The following VSTM2B variants were observed in gnomAD, a reference collection of about 807,000 sequenced individuals.
The protein encoded by VSTM2B is V-set and transmembrane domain-containing protein 2B.
A neutral mutation model predicts 24.0 loss-of-function variants in VSTM2B; 24 were observed. The observed-to-expected ratio is 1.00, with a 90% CI of 0.72 to 1.40. The LOEUF is 1.40. VSTM2B is among the 40% of genes most tolerant of loss of function. The pLI, the probability that VSTM2B is intolerant of heterozygous loss-of-function variation, is 0.00. For synonymous variants in VSTM2B, 226 were observed against 194.4 expected (o/e 1.16, Z -1.35); for missense variants, 399 against 416.4 (o/e 0.96, Z 0.36).
intron 4 of VSTM2B, among the ~76,000 whole-genome samples, chr19:29,560,078 C>T (rs902589352): frequency 1.3e-5 from 2 of 152,158 alleles, no homozygotes; most frequent in Non-Finnish European, 2.9e-5. Context: ...CAGGCTTGTT[C>T]ATGTGACAGT....
At chr19:29,550,759 C>T (rs1012365020) in intron 4 of VSTM2B, among the ~76,000 whole-genome samples, 1 of 151,952 alleles carries the variant, frequency 6.6e-6, no homozygotes, top group Non-Finnish European at 1.5e-5. Context: ...CCAGACCAGC[C>T]TGTTGTCCAT....
chr19:29,537,853 C>G (rs1223976224), intron 4 of VSTM2B, among the ~76,000 whole-genome samples: 1 of 150,724 alleles, frequency 6.6e-6, no homozygotes, highest in Non-Finnish European at 1.5e-5. Flanking sequence ...CCCAGTTGAG[C>G]ACCCAATGCC....
chr19:29,551,203 G>C (rs891077884), intron 4 of VSTM2B, among the ~76,000 whole-genome samples: 3 of 152,338 alleles, frequency 2.0e-5, no homozygotes, highest in South Asian at 2.1e-4. Context: ...GCCGATGGAA[G>C]TCCCAGCCCA....
chr19:29,546,673 C>A (rs1433603788), intron 4 of VSTM2B, among the ~76,000 whole-genome samples: 1 of 150,602 alleles, frequency 6.6e-6, no homozygotes, highest in African/African-American at 2.5e-5. Context: ...CTGGGGAGCC[C>A]CCACCCCCAC....
chr19:29,538,526 G>A (rs927856292), intron 4 of VSTM2B, among the ~76,000 whole-genome samples: 1 of 152,186 alleles, frequency 6.6e-6, no homozygotes, highest in Non-Finnish European at 1.5e-5. Context: ...GAGCATGATG[G>A]AGCTAATTGT....
In VSTM2B at chr19:29,548,582, A is replaced by T. The variant is rs377608800; in HGVS notation, c.770-15264A>T. Among the ~76,000 whole-genome samples the T allele has an allele frequency of 5.5e-4, 84 of 152,328 alleles. 1 individual carries two copies. The highest frequency in any genetic ancestry group is 1.9e-3 in the African/African-American group (79 of 41,572). On this transcript the variant is annotated intron_variant, in intron 4 of 4. Coordinates refer to ENST00000335523, the MANE Select transcript of VSTM2B (RefSeq NM_001146339.2). The stretch of plus-strand genomic sequence containing the variant: ...CAACAAGGGAGGCAGCCTCCTTGCA[A>T]GGTGGCAGAGGTTCTCACCCTGCAG...
intron 4 of VSTM2B, among the ~76,000 whole-genome samples, chr19:29,533,882 G>A (rs1432442519): frequency 6.6e-6 from 1 of 152,244 alleles, no homozygotes; most frequent in Admixed American, 6.5e-5. Context: ...ACAGCAGCCT[G>A]AGCTGCAGAG....
chr19:29,558,209 A>C (rs1010920481), intron 4 of VSTM2B, among the ~76,000 whole-genome samples: 2 of 152,186 alleles, frequency 1.3e-5, no homozygotes, highest in African/African-American at 4.8e-5. Context: ...GTCAAGAAAC[A>C]ATAGATGCTG....
Position 29,526,619 on chromosome 19 carries a change from C to G in VSTM2B, c.36C>G (p.Tyr12Ter). 2.6e-6 allele frequency: 4 copies of G among 1,530,386 alleles called. No homozygotes were observed. Among genetic ancestry groups the G allele is most frequent in the Non-Finnish European group, 3.5e-6 (4 of 1,143,768 alleles). The allele number at this position is 1,530,386 out of a possible 1,614,324, so 94.8% of individuals were successfully genotyped here. The change falls in exon 1 of 5, where the codon TAC (tyrosine) becomes TAG (stop). Residue 12 changes from tyrosine (Y) to a stop codon, truncating the protein, a stop_gained. Coordinates refer to ENST00000335523, the MANE Select transcript of VSTM2B (RefSeq NM_001146339.2). LOFTEE classifies it high-confidence loss of function. This position sits in a 1 kb window ranked among gnomAD's most constrained non-coding sequence, Gnocchi z 4.1. The stretch of plus-strand genomic sequence containing the variant: ...GGAACCGGCTCGGTGCCCTCGGATA[C>G]CTGCCGCCTCTGCTGCTGCATGCCC... ...EQRNRLGALG[Y>*]LPPLLLHALL...
chr19:29,535,106 A>G (rs1223956168), intron 4 of VSTM2B, among the ~76,000 whole-genome samples: 1 of 152,222 alleles, frequency 6.6e-6, no homozygotes, highest in South Asian at 2.1e-4. Flanking sequence ...ATAAACATGG[A>G]CTGCATTAGC....
Position 29,527,389 on chromosome 19 carries a change from G to A in VSTM2B, c.261G>A (p.Arg87=). The part of the protein sequence containing the change: ...HELALSVPGA[R]SKVTNKDATK... ...TGGCGCTCAGCGTGCCGGGCGCCCG[G>A]AGCAAGGTAACCCGCCGCCCACGCG... is the stretch of plus-strand genomic sequence containing the variant. The change falls in exon 2 of 5, where the codon CGG becomes CGA. Residue 87 remains arginine (R), a synonymous_variant. Coordinates refer to ENST00000335523, the MANE Select transcript of VSTM2B (RefSeq NM_001146339.2). The A allele has an allele frequency of 2.0e-6, 3 of 1,531,784 alleles. No homozygotes were observed. Among genetic ancestry groups the A allele is most frequent in the Non-Finnish European group, 2.6e-6 (3 of 1,140,908 alleles). The allele number at this position is 1,531,784 out of a possible 1,614,324, so 94.9% of individuals were successfully genotyped here.
At chr19:29,555,204 A>C (rs1732918462) in intron 4 of VSTM2B, among the ~76,000 whole-genome samples, 1 of 152,104 alleles carries the variant, frequency 6.6e-6, no homozygotes, top group African/African-American at 2.4e-5. Context: ...AGATCATAAC[A>C]TTCTCTCAGA....
At chr19:29,527,874 G>A (rs1969626861) in intron 2 of VSTM2B, among the ~76,000 whole-genome samples, 1 of 152,146 alleles carries the variant, frequency 6.6e-6, no homozygotes, top group Non-Finnish European at 1.5e-5. Context: ...CTTCTCTGTG[G>A]CCGAAAACAG....
chr19:29,527,238 T>C lies in VSTM2B; in HGVS notation c.110T>C (p.Val37Ala). Residue 37 changes from valine (V) to alanine (A), a missense_variant, in exon 2 of 5, where the codon GTG (valine) becomes GCG (alanine). Transcript: ENST00000335523. ...DAAFTEVPKD[V>A]TVREGDDIEM... ...GCATTCACAGAAGTCCCCAAAGATG[T>C]GACAGTACGGGAGGGAGACGACATC... 1 of 1,549,564 alleles carries C rather than the reference T, an allele frequency of 6.5e-7. No individual in the cohort carries two copies. The highest frequency in any genetic ancestry group is 8.7e-7 in the Non-Finnish European group (1 of 1,146,420).
At chr19:29,545,416 C>G (rs1970129683) in intron 4 of VSTM2B, among the ~76,000 whole-genome samples, 1 of 152,080 alleles carries the variant, frequency 6.6e-6, no homozygotes, top group Non-Finnish European at 1.5e-5. Flanking sequence ...AGTTTGAGAC[C>G]AGCCTGGCCA....
intron 4 of VSTM2B, among the ~76,000 whole-genome samples, chr19:29,562,956 A>G (rs1970568468): frequency 6.6e-6 from 1 of 152,070 alleles, no homozygotes; most frequent in Non-Finnish European, 1.5e-5. Context: ...ACCCCAGCCC[A>G]CTCATCTCCA....
rs1568435468 is a variant in VSTM2B at position 29,527,398 on chromosome 19, A to AAC, written c.267+4_267+5dup. 6.6e-7 allele frequency: 1 copy of AAC among 1,521,898 alleles called. No individual in the cohort carries two copies. The highest frequency in any genetic ancestry group is 1.2e-5 in the South Asian group (1 of 81,324). The allele number at this position is 1,521,898 out of a possible 1,614,324, so 94.3% of individuals were successfully genotyped here. A position where few individuals can be genotyped will look rare whatever the true frequency, so the allele number is the denominator to read the frequency against. On this transcript the variant is annotated splice_donor_region_variant and intron_variant, in intron 2 of 4. Transcript: ENST00000335523. ...GCGTGCCGGGCGCCCGGAGCAAGGT[A>AAC]ACCCGCCGCCCACGCGGTACCGGCG... is the stretch of plus-strand genomic sequence containing the variant.
Position 29,530,145 on chromosome 19 carries a change from C to G in VSTM2B, c.624C>G (p.Pro208=), listed in dbSNP as rs879355957. The G allele has an allele frequency of 3.4e-6, 5 of 1,469,016 alleles. No individual in the cohort carries two copies. The highest frequency in any genetic ancestry group is 4.5e-6 in the Non-Finnish European group (5 of 1,117,198). The allele number at this position is 1,469,016 out of a possible 1,614,324, so 91.0% of individuals were successfully genotyped here. A position where few individuals can be genotyped will look rare whatever the true frequency, so the allele number is the denominator to read the frequency against. The part of the protein sequence containing the change: ...GDKSPPPGSP[P]AAIDPAVPEA... ...AGAGCCCGCCGCCCGGGAGCCCTCC[C>G]GCCGCCATCGATCCCGCAGTCCCCG... Residue 208 remains proline (P), a synonymous_variant, in exon 4 of 5, where the codon CCC becomes CCG. Transcript: ENST00000335523.
intron 4 of VSTM2B, among the ~76,000 whole-genome samples, chr19:29,561,780 G>T (rs562078000): frequency 1.3e-4 from 20 of 151,930 alleles, no homozygotes; most frequent in Middle Eastern, 3.2e-3. Flanking sequence ...ACCCAGGCAC[G>T]TGGGCATCCA....
Sources: gnomAD v4.1 joint callset for allele counts (sites outside exome capture counted in the v4.1 genomes callset) on GRCh38, gnomAD v4.1.1 for gene constraint, Gnocchi (gnomAD v3.1) non-coding constraint, MANE v1.5 for transcripts, NCBI Gene and HGNC (gene_info 2026-07-23, HGNC 2026-07-21) for gene names.